SACS: variants seen among roughly 807,000 people sequenced by gnomAD.
SACS encodes sacsin molecular chaperone, also known as sacsin.
SACS carries 197 observed loss-of-function variants against 348.0 expected under a neutral mutation model. The observed-to-expected ratio is 0.57, with a 90% CI of 0.50 to 0.64. The LOEUF is 0.64. Among genes scored for constraint, SACS ranks in the 30% least tolerant of loss-of-function variants. SACS has a pLI of 0.00. For missense variants in SACS, 4,999 were observed against 5,360.8 expected (o/e 0.93, Z 2.11); for synonymous variants, 1,985 against 1,910.6 (o/e 1.04, Z -1.02).
At chr13:23,373,422 G>A (rs981864364) in intron 3 of SACS, 1 of 152,608 alleles carries the variant, frequency 6.6e-6, no homozygotes, top group African/African-American at 2.4e-5. Context: ...GACTTCACTA[G>A]GCCTTCATTC....
intron 2 of SACS, among the ~76,000 whole-genome samples, chr13:23,409,038 T>G (rs1313584026): frequency 8.9e-6 from 1 of 112,800 alleles, no homozygotes; most frequent in Non-Finnish European, 1.7e-5. Context: ...AAACAAGTTT[T>G]ACTTTTTTTT....
At chr13:23,378,354 C>T (rs1046136048) in intron 2 of SACS, among the ~76,000 whole-genome samples, 4 of 152,106 alleles carry the variant, frequency 2.6e-5, no homozygotes, top group African/African-American at 2.4e-5. Context: ...CTCAGGCCCC[C>T]GGATAGTGGA....
intron 4 of SACS, among the ~76,000 whole-genome samples, chr13:23,370,564 C>A (rs550948621): frequency 2.0e-5 from 3 of 152,320 alleles, no homozygotes; most frequent in Non-Finnish European, 2.9e-5. Context: ...ATCTCCAGAT[C>A]TTCTTTATTC....
chr13:23,402,129 G>T (rs1166332622), intron 2 of SACS, among the ~76,000 whole-genome samples: 1 of 150,238 alleles, frequency 6.7e-6, no homozygotes, highest in East Asian at 2.0e-4. Flanking sequence ...AGTGAGCTGA[G>T]ATTGCGCCAC....
intron 3 of SACS, chr13:23,373,759 G>A (rs1381862124): frequency 6.8e-6 from 1 of 146,606 alleles, no homozygotes; most frequent in African/African-American, 2.6e-5. Context: ...GAGTGTTGCA[G>A]GCACTCCAGC....
At chr13:23,422,316 T>C (rs1183880075) in intron 1 of SACS, among the ~76,000 whole-genome samples, 1 of 152,242 alleles carries the variant, frequency 6.6e-6, no homozygotes, top group Non-Finnish European at 1.5e-5. Flanking sequence ...ATTATATCAC[T>C]GAATGTAACC....
At chr13:23,387,238 T>A (rs9550963) in intron 2 of SACS, among the ~76,000 whole-genome samples, 41,071 of 151,598 alleles carry the variant, frequency 0.27, 6,010 homozygotes, top group East Asian at 0.52. Flanking sequence ...GGAAGGCAGA[T>A]CACGAGGTCA....
Position 23,337,081 on chromosome 13 carries a change from G to C in SACS, c.6795C>G (p.Ser2265=). Reference sequence around the variant, plus strand: ...CTGAACCACAACCTCTAAAAGAATGGGAATTTTCATTTAGAATTGGTTGCA... The same window carrying C: ...CTGAACCACAACCTCTAAAAGAATGCGAATTTTCATTTAGAATTGGTTGCA... The part of the protein sequence containing the change: ...CLLQPILNEN[S]HSFRGCGSVS... Residue 2265 remains serine, a synonymous_variant, in exon 10 of 10, where the codon TCC becomes TCG. Transcript: ENST00000382292. 1 of 1,613,898 alleles carries C rather than the reference G, an allele frequency of 6.2e-7. No homozygotes were observed.
intron 2 of SACS, among the ~76,000 whole-genome samples, chr13:23,380,805 G>C (rs774865792): frequency 2.0e-5 from 3 of 152,128 alleles, no homozygotes; most frequent in African/African-American, 4.8e-5. Context: ...AGTTATTGAC[G>C]TAACAGAGAG....
rs139805032 is a variant in SACS, at chr13:23,340,485, G to C, written c.3391C>G (p.Leu1131Val). Residue 1131 changes from leucine (L) to valine (V), a missense_variant, in exon 10 of 10, where the codon CTC (leucine) becomes GTC (valine). This residue lies in a region of SACS where 3,156 missense variants were observed against 3,380.1 expected (regional missense o/e 0.93). Transcript: ENST00000382292. ...TGATTCTTATTTAAAACCAGTAAGAGGGTTTTGGCTTTCTTCAGAAGAACA... is the reference window on the plus strand; with the variant it reads ...TGATTCTTATTTAAAACCAGTAAGACGGTTTTGGCTTTCTTCAGAAGAACA... ...QDVLLKKAKT[L>V]LLVLNKNHTL... 1.2e-6 allele frequency: 2 copies of C among 1,612,376 alleles called. No individual in the cohort carries two copies. Among genetic ancestry groups the C allele is most frequent in the East Asian group, 4.5e-5 (2 of 44,880 alleles).
rs749462494 is a variant in SACS at position 23,336,307 on chromosome 13, C to T, written c.7569G>A (p.Gly2523=). Residue 2523 remains glycine (G), a synonymous_variant, in exon 10 of 10, where the codon GGG becomes GGA. Coordinates refer to ENST00000382292, the MANE Select transcript of SACS (RefSeq NM_014363.6). ...VCFTTLGTEF[G]QKEKLTSRIK... is the part of the protein sequence containing the mutation. Reference sequence around the variant, plus strand: ...TTCTGCTGGTCAATTTTTCTTTCTGCCCAAATTCTGTGCCAAGTGTTGTAA... The same window carrying T: ...TTCTGCTGGTCAATTTTTCTTTCTGTCCAAATTCTGTGCCAAGTGTTGTAA... The T allele has an allele frequency of 6.8e-6, 11 of 1,613,936 alleles. No individual in the cohort carries two copies. The highest frequency in any genetic ancestry group is 1.6e-4 in the Middle Eastern group (1 of 6,084).
In SACS at chr13:23,330,171, T is replaced by C. The variant is rs1403151328; in HGVS notation, c.13705A>G (p.Ile4569Val). ...TGTTGCATAAAATTTTCAAGTTTTA[T>C]TATGATACAGGCAGTACATTCCATC... ...RVMECTACII[I>V]KLENFMQQKV Residue 4569 changes from isoleucine (I) to valine (V), a missense_variant, in exon 10 of 10, where the codon ATA becomes GTA. By Grantham distance (29) the Ile-to-Val change is conservative. Transcript: ENST00000382292. 1.2e-6 allele frequency: 2 copies of C among 1,614,070 alleles called. No homozygotes were observed. The highest frequency in any genetic ancestry group is 1.7e-6 in the Non-Finnish European group (2 of 1,179,930).
Position 23,355,092 on chromosome 13 carries a change from G to A in SACS, c.1520C>T (p.Thr507Ile). 1 of 1,614,174 alleles carries A rather than the reference G, an allele frequency of 6.2e-7. No individual in the cohort carries two copies. Among genetic ancestry groups the A allele is most frequent in the Non-Finnish European group, 8.5e-7 (1 of 1,180,026 alleles). ...ACGTTTTATTGAATCTAAGATCAGA[G>A]TAGCATAAGCTTTGGGGACAACATT... ...VMNVVPKAYA[T>I]LILDSIKRLE... The change falls in exon 8 of 10, where the codon ACT (threonine) becomes ATT (isoleucine). Residue 507 changes from threonine to isoleucine, a missense_variant. Around this residue, in one of 6 missense-constraint regions of SACS, gnomAD observed 3,156 missense variants for 3,380.1 expected, o/e 0.93. Transcript: ENST00000382292.
intron 9 of SACS, among the ~76,000 whole-genome samples, chr13:23,347,814 G>A (rs1457433609): frequency 6.6e-6 from 1 of 152,132 alleles, no homozygotes; most frequent in African/African-American, 2.4e-5. Flanking sequence ...TCACACCTGA[G>A]GGAGGGACAG....
At chr13:23,420,155 G>A (rs1873866300) in intron 1 of SACS, among the ~76,000 whole-genome samples, 1 of 152,080 alleles carries the variant, frequency 6.6e-6, no homozygotes, top group Non-Finnish European at 1.5e-5. Flanking sequence ...GTGTCAATCT[G>A]GTGCCCCATG....
intron 3 of SACS, 140 bp downstream of exon 3, chr13:23,374,979 C>T: frequency 2.4e-6 from 2 of 822,076 alleles, no homozygotes; most frequent in Non-Finnish European, 1.7e-6. Context: ...AAAGCCACAA[C>T]TCAGGACAAG....
intron 2 of SACS, among the ~76,000 whole-genome samples, chr13:23,382,889 T>G (rs556437284): frequency 2.1e-4 from 32 of 150,368 alleles, no homozygotes; most frequent in Admixed American, 9.3e-4. Context: ...TGAAGAGATC[T>G]TCCCACCTCA....
At chr13:23,410,307 T>G (rs1374550663) in intron 2 of SACS, among the ~76,000 whole-genome samples, 1 of 152,184 alleles carries the variant, frequency 6.6e-6, no homozygotes, top group Non-Finnish European at 1.5e-5. Flanking sequence ...TAAAGTCGTC[T>G]CAATACTCTT....
At chr13:23,366,343 T>C (rs758899325) in intron 5 of SACS, among the ~76,000 whole-genome samples, 31 of 152,192 alleles carry the variant, frequency 2.0e-4, no homozygotes, top group Non-Finnish European at 3.4e-4. Flanking sequence ...TGGAGTGTGG[T>C]ACCCACCAGC....
Sources: allele counts gnomAD v4.1 joint callset (sites outside exome capture counted in the v4.1 genomes callset), GRCh38; gene constraint gnomAD v4.1.1; regional missense constraint gnomAD v4.1.1; transcripts MANE v1.5; gene names NCBI Gene and HGNC (gene_info 2026-07-23, HGNC 2026-07-21).